PHF24: variants seen among roughly 807,000 people sequenced by gnomAD.
PHF24 encodes PHD finger protein 24, also known as Galpha inhibitory interacting protein.
Under a neutral mutation model 42.6 loss-of-function variants are expected in PHF24, and 25 were observed. That is an observed-to-expected ratio of 0.59 (90% CI 0.43 to 0.82). The LOEUF (loss-of-function observed/expected upper bound fraction) is 0.82. Among genes scored for constraint, PHF24 ranks in the 40% least tolerant of loss-of-function variants. The probability of loss-of-function intolerance (pLI) is 0.00; values close to 1 mark genes in which losing one functional copy is unlikely to be tolerated. For missense variants in PHF24, 470 were observed against 538.1 expected (o/e 0.87, Z 1.25); for synonymous variants, 185 against 204.8 (o/e 0.90, Z 0.83).
the PHF24 span, among the ~76,000 whole-genome samples, chr9:34,733,003 G>A: frequency 6.6e-6 from 1 of 152,098 alleles, no homozygotes; most frequent in Admixed American, 6.5e-5. Context: ...ATGTGTATAA[G>A]TTCTTGTACA....
At chr9:34,842,708 A>T in the PHF24 span, among the ~76,000 whole-genome samples, 15 of 152,242 alleles carry the variant, frequency 9.9e-5, no homozygotes, top group East Asian at 2.7e-3. Context: ...TGAGAGATAA[A>T]TTTCTGTTCT....
chr9:34,823,651 G>A, the PHF24 span, among the ~76,000 whole-genome samples: 3 of 152,082 alleles, frequency 2.0e-5, no homozygotes, highest in African/African-American at 4.8e-5. Flanking sequence ...AAAGGAAAGG[G>A]GGGAAGCTTT....
chr9:34,952,761 A>G (rs531198096), upstream of PHF24, among the ~76,000 whole-genome samples: 5 of 152,348 alleles, frequency 3.3e-5, no homozygotes, highest in South Asian at 1.0e-3. Flanking sequence ...TAGAATTGCC[A>G]TACAAAGAAC....
At chr9:34,709,467 C>T in the PHF24 span, 1 of 1,613,400 alleles carries the variant, frequency 6.2e-7, no homozygotes, top group Non-Finnish European at 8.5e-7. Context: ...CTGACTGAGG[C>T]TCCCCTTTAC....
At chr9:34,731,230 G>A in the PHF24 span, among the ~76,000 whole-genome samples, 1 of 152,072 alleles carries the variant, frequency 6.6e-6, no homozygotes, top group African/African-American at 2.4e-5. Context: ...TCACATCAGG[G>A]TAAATGGGGT....
chr9:34,718,194 C>T, the PHF24 span, among the ~76,000 whole-genome samples: 1 of 152,158 alleles, frequency 6.6e-6, no homozygotes, highest in African/African-American at 2.4e-5. Flanking sequence ...TTCTGGAAAT[C>T]CCCTAATATG....
At chr9:34,763,440 T>G in the PHF24 span, among the ~76,000 whole-genome samples, 1 of 152,226 alleles carries the variant, frequency 6.6e-6, no homozygotes, top group African/African-American at 2.4e-5. Context: ...TTCCTAGGTA[T>G]TTTATTCTCT....
chr9:34,920,965 C>A, the PHF24 span, among the ~76,000 whole-genome samples: 12 of 152,186 alleles, frequency 7.9e-5, 1 homozygote, highest in South Asian at 2.3e-3. Context: ...TTGACTTTTT[C>A]CTTTCTTTGG....
chr9:34,853,625 G>A, the PHF24 span, among the ~76,000 whole-genome samples: 58 of 151,868 alleles, frequency 3.8e-4, no homozygotes, highest in African/African-American at 1.2e-3. Flanking sequence ...TCAGGAGATC[G>A]AGACCATCCC....
the PHF24 span, among the ~76,000 whole-genome samples, chr9:34,915,877 A>G: frequency 2.0e-5 from 3 of 148,246 alleles, no homozygotes; most frequent in Non-Finnish European, 4.5e-5. Flanking sequence ...CAAGGGTGGG[A>G]CCAGGTGGAG....
chr9:34,885,158 G>A, the PHF24 span, among the ~76,000 whole-genome samples: 26 of 152,288 alleles, frequency 1.7e-4, no homozygotes, highest in East Asian at 4.6e-3. Context: ...GATGCTTTAG[G>A]CAAATACCTG....
chr9:34,788,357 T>A, the PHF24 span, among the ~76,000 whole-genome samples: 3 of 152,132 alleles, frequency 2.0e-5, no homozygotes, highest in East Asian at 5.8e-4. Flanking sequence ...GTAACTGTTT[T>A]TAACATTTGC....
chr9:34,768,156 G>C, the PHF24 span, among the ~76,000 whole-genome samples: 1 of 152,176 alleles, frequency 6.6e-6, no homozygotes. Flanking sequence ...CAAATGACAA[G>C]TTCAAAGACA....
chr9:34,877,536 C>T, the PHF24 span, among the ~76,000 whole-genome samples: 1 of 151,916 alleles, frequency 6.6e-6, no homozygotes, highest in South Asian at 2.1e-4. Context: ...GATGAAAAAG[C>T]GTTTGAAATA....
the PHF24 span, among the ~76,000 whole-genome samples, chr9:34,776,056 A>G: frequency 6.6e-6 from 1 of 152,252 alleles, no homozygotes; most frequent in African/African-American, 2.4e-5. Flanking sequence ...CTGTGGAGAT[A>G]GAAAATAGAT....
the PHF24 span, among the ~76,000 whole-genome samples, chr9:34,863,082 G>T: frequency 6.6e-6 from 1 of 152,030 alleles, no homozygotes; most frequent in Admixed American, 6.5e-5. Flanking sequence ...TTTTTCTTGT[G>T]GTTTGGGTGC....
the PHF24 span, among the ~76,000 whole-genome samples, chr9:34,875,942 ACACACACACTCTCTCTCTCTCTCTCT>A: frequency 1.2e-5 from 1 of 86,780 alleles, no homozygotes; most frequent in Non-Finnish European, 2.2e-5. Flanking sequence ...ACACACACAC[ACACACACACTCTCTCTCTCTCTCTCT>A]CTCTCTCTCT....
At chr9:34,849,601 C>A in the PHF24 span, among the ~76,000 whole-genome samples, 7 of 151,606 alleles carry the variant, frequency 4.6e-5, no homozygotes, top group African/African-American at 1.2e-4. Flanking sequence ...GTCCATTTAC[C>A]TTTAAAGTTA....
chr9:34,926,428 C>G, the PHF24 span, among the ~76,000 whole-genome samples: 9 of 152,034 alleles, frequency 5.9e-5, no homozygotes, highest in Non-Finnish European at 1.0e-4. The surrounding 1 kb of genome is among the most constrained non-coding windows in gnomAD (Gnocchi z 4.3). Flanking sequence ...AGCTGCTTGG[C>G]TGGCCTAGGG....
Sources: gnomAD v4.1 joint callset for allele counts (sites outside exome capture counted in the v4.1 genomes callset) on GRCh38, gnomAD v4.1.1 for gene constraint, Gnocchi (gnomAD v3.1) non-coding constraint, MANE v1.5 for transcripts, NCBI Gene and HGNC (gene_info 2026-07-23, HGNC 2026-07-21) for gene names.